The following NRXN3 variants were observed in gnomAD, a reference collection of about 807,000 sequenced individuals.
NRXN3 encodes the protein neurexin III.
A neutral mutation model predicts 137.6 loss-of-function variants in NRXN3; 32 were observed. That is an observed-to-expected ratio of 0.23 (90% CI 0.18 to 0.31). The LOEUF is 0.31. Among genes scored for constraint, NRXN3 ranks in the 10% least tolerant of loss-of-function variants. NRXN3 has a pLI of 1.00. For synonymous variants in NRXN3, 798 were observed against 784.5 expected, an observed-to-expected ratio of 1.02 and a Z score of -0.29; for missense variants, 1,574 against 2,062.5, an observed-to-expected ratio of 0.76 and a Z score of 4.59.
intron 15 of NRXN3, among the ~76,000 whole-genome samples, chr14:79,106,431 T>C (rs1418139356): frequency 6.6e-6 from 1 of 151,816 alleles, no homozygotes; most frequent in Non-Finnish European, 1.5e-5. Flanking sequence ...GTGCTTTCTC[T>C]TGATTCCTGT....
intron 16 of NRXN3, among the ~76,000 whole-genome samples, chr14:79,577,030 G>A (rs773207650): frequency 2.6e-5 from 4 of 152,016 alleles, no homozygotes; most frequent in Non-Finnish European, 5.9e-5. Context: ...AGGATCATGG[G>A]GGCAGTTTCC....
At chr14:79,625,541 A>G (rs1429511759) in intron 16 of NRXN3, among the ~76,000 whole-genome samples, 3 of 152,212 alleles carry the variant, frequency 2.0e-5, no homozygotes, top group Non-Finnish European at 4.4e-5. Flanking sequence ...CTGATGTTAT[A>G]ATGGCTGCAC....
intron 10 of NRXN3, among the ~76,000 whole-genome samples, chr14:78,950,204 A>G (rs2099384405): frequency 6.6e-6 from 1 of 152,134 alleles, no homozygotes; most frequent in Non-Finnish European, 1.5e-5. Context: ...CCCTGAGAAA[A>G]TTGCCCTTAT....
chr14:78,931,088 T>C (rs186584266), intron 10 of NRXN3, among the ~76,000 whole-genome samples: 161 of 152,338 alleles, frequency 1.1e-3, no homozygotes, highest in African/African-American at 3.6e-3. Flanking sequence ...TCAGGAACCA[T>C]GTCCCCAGAG....
In NRXN3 at chr14:79,444,689, A is replaced by G. The variant is rs146593473; in HGVS notation, c.3263-22532A>G. 1.2e-3 allele frequency among the ~76,000 whole-genome samples: 180 copies of G among 152,276 alleles called. 1 individual carries two copies. Among genetic ancestry groups the G allele is most frequent in the African/African-American group, 4.3e-3 (179 of 41,554 alleles). ...ATTCCTTTTTTTAAATTAGCTGGAC[A>G]TGGTGACCCATGCCTGTAGTCCCAG... On this transcript the variant is annotated intron_variant, in intron 15 of 20. Coordinates refer to ENST00000335750, the MANE Select transcript of NRXN3 (RefSeq NM_001330195.2).
intron 15 of NRXN3, among the ~76,000 whole-genome samples, chr14:79,433,691 A>C (rs1459906387): frequency 6.6e-6 from 1 of 152,208 alleles, no homozygotes; most frequent in African/African-American, 2.4e-5. Flanking sequence ...GGAACTAGTG[A>C]AATAAGATTT....
chr14:79,698,579 T>C (rs1290759514), intron 19 of NRXN3, among the ~76,000 whole-genome samples: 3 of 152,092 alleles, frequency 2.0e-5, no homozygotes, highest in Non-Finnish European at 4.4e-5. Context: ...TCCTTGTTTT[T>C]GTGGCAGTTT....
Position 79,554,454 on chromosome 14 carries a change from C to T in NRXN3, c.3444+87052C>T, listed in dbSNP as rs1443975819. ...AGGAATAGCTAGGCATTTCCTCCCA[C>T]GGTCCAAGGTGAGACTGAAGATAAG... On this transcript the variant is annotated intron_variant, in intron 16 of 20. Transcript: ENST00000335750. Among the ~76,000 whole-genome samples, 8 of 152,174 alleles carry T rather than the reference C, an allele frequency of 5.3e-5. 1 individual carries two copies. In the East Asian group the frequency reaches 5.8e-4, roughly 11 times the overall value.
At chr14:79,714,632 G>C (rs2098817291) in intron 19 of NRXN3, among the ~76,000 whole-genome samples, 1 of 152,080 alleles carries the variant, frequency 6.6e-6, no homozygotes, top group Non-Finnish European at 1.5e-5. Context: ...CAATATGTCT[G>C]CTAATAATTA....
chr14:78,408,555 T>C (rs2092639694), intron 4 of NRXN3, among the ~76,000 whole-genome samples: 1 of 152,204 alleles, frequency 6.6e-6, no homozygotes, highest in Admixed American at 6.5e-5. Flanking sequence ...TACAATATCT[T>C]TACTCAGGGT....
At chr14:78,723,578 T>C (rs962617403) in intron 8 of NRXN3, among the ~76,000 whole-genome samples, 2 of 152,136 alleles carry the variant, frequency 1.3e-5, no homozygotes, top group Non-Finnish European at 2.9e-5. Flanking sequence ...TCGGAACATA[T>C]GTATTTACCT....
intron 4 of NRXN3, among the ~76,000 whole-genome samples, chr14:78,353,646 A>G (rs1410816665): frequency 1.3e-5 from 2 of 152,192 alleles, no homozygotes; most frequent in Non-Finnish European, 2.9e-5. Context: ...ATCTGCAAAC[A>G]TTTTAAATGT....
intron 15 of NRXN3, among the ~76,000 whole-genome samples, chr14:79,411,421 T>C (rs1424716686): frequency 6.6e-6 from 1 of 152,172 alleles, no homozygotes; most frequent in Non-Finnish European, 1.5e-5. Flanking sequence ...TTTATCATTG[T>C]ATTTTTGCTT....
chr14:79,843,892 A>G (rs2099361495), intron 20 of NRXN3, among the ~76,000 whole-genome samples: 1 of 152,116 alleles, frequency 6.6e-6, no homozygotes, highest in Non-Finnish European at 1.5e-5. Flanking sequence ...ATAGTCTTTT[A>G]TCCCTTGCCC....
rs142527903 is a variant in NRXN3, at chr14:79,435,339, G to A, written c.3263-31882G>A. Among the ~76,000 whole-genome samples the A allele has an allele frequency of 9.2e-3, 1,402 of 151,870 alleles. 13 individuals are homozygous for A. Among genetic ancestry groups the A allele is most frequent in the Non-Finnish European group, 0.013 (883 of 67,966 alleles). ...AGCCATTACTTTCATTGAGGCCTGG[G>A]ATGAGGTAAGTAGAGAAAGTTTGCA... On this transcript the variant is annotated intron_variant, in intron 15 of 20. Transcript: ENST00000335750.
intron 19 of NRXN3, among the ~76,000 whole-genome samples, chr14:79,767,608 T>A (rs1446396127): frequency 1.3e-5 from 2 of 152,240 alleles, no homozygotes; most frequent in African/African-American, 4.8e-5. Context: ...GTACTTATCA[T>A]ATGTCCTATA....
chr14:78,286,106 G>C (rs56193432), intron 3 of NRXN3, among the ~76,000 whole-genome samples: 1 of 152,154 alleles, frequency 6.6e-6, no homozygotes, highest in Non-Finnish European at 1.5e-5. Flanking sequence ...CCGGGGTATT[G>C]GTTATGGTCA....
At chr14:78,751,130 C>T (rs7157239) in intron 8 of NRXN3, among the ~76,000 whole-genome samples, 17,876 of 151,886 alleles carry the variant, frequency 0.12, 2,512 homozygotes, top group African/African-American at 0.34. Flanking sequence ...AAGCCTTTTT[C>T]CCCCCACTAT....
intron 4 of NRXN3, among the ~76,000 whole-genome samples, chr14:78,364,463 T>A (rs1434590897): frequency 1.3e-5 from 2 of 152,242 alleles, no homozygotes; most frequent in Non-Finnish European, 2.9e-5. Flanking sequence ...AAACTTCCAC[T>A]TATTTTATAA....
Sources: allele counts gnomAD v4.1 joint callset (sites outside exome capture counted in the v4.1 genomes callset), GRCh38; gene constraint gnomAD v4.1.1; transcripts MANE v1.5; gene names NCBI Gene and HGNC (gene_info 2026-07-23, HGNC 2026-07-21).